Variants in SYNPO2 observed in about 807,000 individuals in gnomAD.
SYNPO2 encodes synaptopodin-2.
A neutral mutation model predicts 85.0 loss-of-function variants in SYNPO2; 56 were observed. That is an observed-to-expected ratio of 0.66 (90% confidence interval 0.53 to 0.82). The LOEUF is 0.82. SYNPO2 is among the 40% of genes least tolerant of loss of function. SYNPO2 has a pLI of 0.00. For missense variants in SYNPO2, 1,575 were observed against 1,534.2 expected, an observed-to-expected ratio of 1.03 and a Z score of -0.44; for synonymous variants, 602 against 591.1, an observed-to-expected ratio of 1.02 and a Z score of -0.27.
chr4:119,027,054 C>A lies in SYNPO2; in HGVS notation c.685C>A (p.Pro229Thr), dbSNP rs753339575. ...PGAEKSKSPD[P>T]DPNLSHDRIV... is the part of the protein sequence containing the mutation. ...AGCTGAAAAATCTAAGTCTCCTGAC[C>A]CAGACCCTAACTTGTCACATGACAG... Residue 229 changes from proline to threonine, a missense_variant, in exon 3 of 5, where the codon CCA becomes ACA. Physicochemically the swap from Pro to Thr is conservative, Grantham distance 38. Around this residue, in one of 3 missense-constraint regions of SYNPO2, gnomAD observed 1,508 missense variants for 1,446.8 expected, o/e 1.04. Coordinates refer to ENST00000307142, the MANE Select transcript of SYNPO2 (RefSeq NM_133477.3). 1.3e-5 allele frequency: 21 copies of A among 1,613,990 alleles called. No homozygotes were observed. In the South Asian group the frequency reaches 2.2e-4, roughly 17 times the overall value.
intron 4 of SYNPO2, among the ~76,000 whole-genome samples, chr4:119,040,083 T>A (rs1381989655): frequency 6.6e-6 from 1 of 152,204 alleles, no homozygotes; most frequent in Non-Finnish European, 1.5e-5. Flanking sequence ...CAAGTTGTTA[T>A]GAAGATTAAA....
intron 4 of SYNPO2, chr4:119,034,947 G>T (rs1260803101): frequency 2.0e-6 from 2 of 985,286 alleles, no homozygotes; most frequent in African/African-American, 1.7e-5. Context: ...GTGTAGGGAG[G>T]CAGTTTTTGT....
chr4:118,963,208 A>G (rs1735174773), intron 1 of SYNPO2, among the ~76,000 whole-genome samples: 1 of 152,202 alleles, frequency 6.6e-6, no homozygotes, highest in Non-Finnish European at 1.5e-5. Context: ...TGTCTATCTT[A>G]TTAGATCATT....
intron 1 of SYNPO2, among the ~76,000 whole-genome samples, chr4:118,943,240 G>T (rs577500863): frequency 2.6e-5 from 4 of 152,158 alleles, no homozygotes; most frequent in Non-Finnish European, 4.4e-5. Context: ...CAATTACAAG[G>T]TAACTTGCTG....
At chr4:118,906,642 G>C (rs1192645158) in intron 1 of SYNPO2, among the ~76,000 whole-genome samples, 1 of 151,962 alleles carries the variant, frequency 6.6e-6, no homozygotes, top group Admixed American at 6.6e-5. Flanking sequence ...GTATTGTTTG[G>C]GGATTTTATT....
intron 4 of SYNPO2, among the ~76,000 whole-genome samples, chr4:119,046,997 A>G (rs748135419): frequency 6.6e-6 from 1 of 152,226 alleles, no homozygotes; most frequent in Non-Finnish European, 1.5e-5. Context: ...TGCTACATAC[A>G]AGACCCTATC....
At chr4:118,895,108 A>G (rs1732509642) in intron 1 of SYNPO2, among the ~76,000 whole-genome samples, 1 of 152,218 alleles carries the variant, frequency 6.6e-6, no homozygotes. Context: ...AACATGATAA[A>G]GATGAATCCC....
At chr4:118,850,813 G>C (rs563501168) in exon 1 of SYNPO2, 18 of 398,602 alleles carry the variant, frequency 4.5e-5, no homozygotes, top group African/African-American at 3.3e-4. Flanking sequence ...GATTGGTGAG[G>C]GAGACTGTCA....
At chr4:118,900,734 T>C (rs1732721339) in intron 1 of SYNPO2, among the ~76,000 whole-genome samples, 1 of 113,256 alleles carries the variant, frequency 8.8e-6, no homozygotes, top group Non-Finnish European at 1.8e-5. Context: ...TATATATATG[T>C]CTGTCTGTCT....
At chr4:118,926,774 G>T (rs1733724951) in intron 1 of SYNPO2, among the ~76,000 whole-genome samples, 1 of 152,130 alleles carries the variant, frequency 6.6e-6, no homozygotes, top group Non-Finnish European at 1.5e-5. Context: ...AAATGTAGAT[G>T]ATGATTATTA....
intron 1 of SYNPO2, among the ~76,000 whole-genome samples, chr4:119,004,353 T>A (rs912670965): frequency 1.3e-5 from 2 of 151,462 alleles, no homozygotes. Context: ...ATTAGGTATA[T>A]CTCCTAATGC....
At chr4:118,994,906 C>A (rs779248556) in intron 1 of SYNPO2, among the ~76,000 whole-genome samples, 1 of 152,046 alleles carries the variant, frequency 6.6e-6, no homozygotes, top group Admixed American at 6.6e-5. Flanking sequence ...GTACTTAGAC[C>A]CTTTGATTAA....
At chr4:118,966,097 A>G (rs1293690663) in intron 1 of SYNPO2, among the ~76,000 whole-genome samples, 3 of 152,092 alleles carry the variant, frequency 2.0e-5, no homozygotes, top group Non-Finnish European at 2.9e-5. Context: ...ATGGGAGACT[A>G]TTGTGGATTA....
intron 1 of SYNPO2, among the ~76,000 whole-genome samples, chr4:118,988,837 C>G (rs918156826): frequency 6.6e-6 from 1 of 152,164 alleles, no homozygotes; most frequent in Non-Finnish European, 1.5e-5. Flanking sequence ...CCACAGGAAA[C>G]ATGCACCTTC....
At chr4:118,986,744 C>T (rs781748656) in intron 1 of SYNPO2, among the ~76,000 whole-genome samples, 1 of 152,178 alleles carries the variant, frequency 6.6e-6, no homozygotes, top group Non-Finnish European at 1.5e-5. Flanking sequence ...ATTTTACTTC[C>T]ACATTGTTCC....
rs150054203 is a variant in SYNPO2 at position 119,030,657 on chromosome 4, C to A, written c.1882C>A (p.Pro628Thr). The change falls in exon 4 of 5, where the codon CCC (proline) becomes ACC (threonine). Residue 628 changes from proline to threonine, a missense_variant. Physicochemically the swap from Pro to Thr is conservative, Grantham distance 38 (BLOSUM62 -1). Transcript: ENST00000307142. ...TCCACCTTACTCTGCAGTCACTCCTCCCCCTGACGCCTTCTCCAGAGGGGT... is the reference window on the plus strand; with the variant it reads ...TCCACCTTACTCTGCAGTCACTCCTACCCCTGACGCCTTCTCCAGAGGGGT... Reference protein sequence around the residue: ...APPPYSAVTPPPDAFSRGVSS... With the variant: ...APPPYSAVTPTPDAFSRGVSS... 1.0e-4 allele frequency: 162 copies of A among 1,614,178 alleles called. No homozygotes were observed. Among genetic ancestry groups the A allele is most frequent in the Admixed American group, 5.5e-4 (33 of 60,026 alleles).
rs1408682483 is a variant in SYNPO2, at chr4:119,058,415, C to A, written c.*481C>A. ...TTTCTCATAGGGGCATGCCAGTGAG[C>A]AATTACTTTATAAAAATATTTTCCT... is the stretch of plus-strand genomic sequence containing the variant. On this transcript the variant is annotated 3_prime_UTR_variant, in exon 5 of 5. Coordinates refer to ENST00000307142, the MANE Select transcript of SYNPO2 (RefSeq NM_133477.3). 1 of 148,960 alleles carries A rather than the reference C, an allele frequency of 6.7e-6. No homozygotes were observed. Among genetic ancestry groups the A allele is most frequent in the Non-Finnish European group, 1.5e-5 (1 of 67,684 alleles). 9.2% of individuals were successfully genotyped at this position (148,960 alleles called of 1,614,324 possible). A position where few individuals can be genotyped will look rare whatever the true frequency, so the allele number is the denominator to read the frequency against.
intron 1 of SYNPO2, among the ~76,000 whole-genome samples, chr4:118,894,692 A>G (rs1428027963): frequency 6.6e-6 from 1 of 152,202 alleles, no homozygotes; most frequent in Non-Finnish European, 1.5e-5. Context: ...TTTAATACTC[A>G]GTAAAAGTTC....
At chr4:118,905,568 A>G (rs1732906900) in intron 1 of SYNPO2, among the ~76,000 whole-genome samples, 1 of 152,154 alleles carries the variant, frequency 6.6e-6, no homozygotes. Context: ...ACCCTTATAG[A>G]CATTGTGTGA....
Sources: gnomAD v4.1 joint callset for allele counts (sites outside exome capture counted in the v4.1 genomes callset) on GRCh38, gnomAD v4.1.1 for gene constraint, gnomAD v4.1.1 regional missense constraint, MANE v1.5 for transcripts, NCBI Gene and HGNC (gene_info 2026-07-23, HGNC 2026-07-21) for gene names.